RNF180: variants seen among roughly 807,000 people sequenced by gnomAD.
RNF180 encodes ring finger protein 180, also known as E3 ubiquitin-protein ligase RNF180.
Under a neutral mutation model 59.2 loss-of-function variants are expected in RNF180, and 38 were observed. The observed-to-expected ratio is 0.64, with a 90% CI of 0.50 to 0.84. RNF180 has a LOEUF of 0.84. Ranked by LOEUF, RNF180 falls within the 40% of genes least tolerant of loss-of-function variation. RNF180 has a pLI of 0.00. For missense variants in RNF180, 705 were observed against 700.9 expected, an observed-to-expected ratio of 1.01 and a Z score of -0.07; for synonymous variants, 262 against 240.3, an observed-to-expected ratio of 1.09 and a Z score of -0.84.
intron 5 of RNF180, among the ~76,000 whole-genome samples, chr5:64,280,369 T>C (rs1383647364): frequency 6.6e-6 from 1 of 152,200 alleles, no homozygotes; most frequent in Non-Finnish European, 1.5e-5. Flanking sequence ...TTTGTCTTTG[T>C]AATGAAATCT....
intron 7 of RNF180, among the ~76,000 whole-genome samples, chr5:64,365,926 G>A (rs573024988): frequency 1.1e-4 from 16 of 151,410 alleles, no homozygotes; most frequent in Non-Finnish European, 2.1e-4. Context: ...TCTTTATACA[G>A]CTTGCCAAGC....
intron 2 of RNF180, among the ~76,000 whole-genome samples, chr5:64,204,623 G>A (rs142467728): frequency 6.6e-6 from 1 of 151,908 alleles, no homozygotes; most frequent in East Asian, 1.9e-4. Context: ...CCCAGTTTAT[G>A]TAACTTATAT....
At chr5:64,217,330 T>C in intron 4 of RNF180, 31 bp from the exon 5 acceptor site, 1 of 1,379,788 alleles carries the variant, frequency 7.2e-7, no homozygotes, top group South Asian at 2.0e-5. Flanking sequence ...TGTGCTTATT[T>C]TTGTGTGAAC....
At chr5:64,314,337 CAGAT>C (rs1222865806) in intron 5 of RNF180, among the ~76,000 whole-genome samples, 1 of 151,944 alleles carries the variant, frequency 6.6e-6, no homozygotes, top group Non-Finnish European at 1.5e-5. Flanking sequence ...ATTTGGGTCT[CAGAT>C]AGATAGAATT....
chr5:64,264,296 G>A (rs1169236230), intron 5 of RNF180, among the ~76,000 whole-genome samples: 2 of 152,048 alleles, frequency 1.3e-5, no homozygotes, highest in Admixed American at 1.3e-4. Context: ...CATATGCCAT[G>A]GTGGTATTCT....
intron 7 of RNF180, among the ~76,000 whole-genome samples, chr5:64,364,518 T>G (rs1746374492): frequency 2.0e-5 from 3 of 151,868 alleles, no homozygotes; most frequent in Middle Eastern, 3.4e-3. Context: ...GTCAAGGACA[T>G]TGGCCTGAAG....
intron 5 of RNF180, among the ~76,000 whole-genome samples, chr5:64,296,838 C>T (rs918365760): frequency 6.6e-5 from 10 of 152,020 alleles, no homozygotes; most frequent in Non-Finnish European, 8.8e-5. Flanking sequence ...TCAGGAGGTA[C>T]CATTTTCTCT....
chr5:64,208,307 CAGAA>C (rs1752125483), intron 2 of RNF180, among the ~76,000 whole-genome samples: 1 of 151,970 alleles, frequency 6.6e-6, no homozygotes, highest in Non-Finnish European at 1.5e-5. Context: ...AGATTTGAGA[CAGAA>C]AGAAAATCTG....
chr5:64,182,889 A>G (rs1357413664), intron 1 of RNF180, among the ~76,000 whole-genome samples: 1 of 152,182 alleles, frequency 6.6e-6, no homozygotes, highest in Non-Finnish European at 1.5e-5. Context: ...AGAATGGCTA[A>G]AGGAGAGTAC....
rs1335551911 is a variant in RNF180 at position 64,344,493 on chromosome 5, G to GAGATTTC, written c.1579+14089_1579+14095dup. Among the ~76,000 whole-genome samples, 4 of 151,366 alleles carry GAGATTTC rather than the reference G, an allele frequency of 2.6e-5. No homozygotes were observed. The East Asian group carries it at 7.7e-4, about 29-fold the overall frequency. ...AGAAATAAATCTACTATCACACTTG[G>GAGATTTC]AGATTTCAACACATCTATCTCAGGA... On this transcript the variant is annotated intron_variant, in intron 7 of 7. Transcript: ENST00000389100.
At chr5:64,215,981 G>A (rs1201995042) in intron 4 of RNF180, among the ~76,000 whole-genome samples, 1 of 150,866 alleles carries the variant, frequency 6.6e-6, no homozygotes, top group Non-Finnish European at 1.5e-5. Context: ...CAAGTACAAA[G>A]TTAATGTGTT....
At chr5:64,311,891 C>A (rs1411170454) in intron 5 of RNF180, among the ~76,000 whole-genome samples, 1 of 151,860 alleles carries the variant, frequency 6.6e-6, no homozygotes, top group African/African-American at 2.4e-5. Context: ...GTAAACAAAC[C>A]CTCTTCAGGC....
rs147670642 is a variant in RNF180 at position 64,336,453 on chromosome 5, A to G, written c.1579+6047A>G. ...ATAAAAACACTCTAATGAATATCCTACTGTGGGCTGTGAATATCTATTTGG... is the reference window on the plus strand; with the variant it reads ...ATAAAAACACTCTAATGAATATCCTGCTGTGGGCTGTGAATATCTATTTGG... On this transcript the variant is annotated intron_variant, in intron 7 of 7. Coordinates refer to ENST00000389100, the MANE Select transcript of RNF180 (RefSeq NM_001113561.2). Among the ~76,000 whole-genome samples the G allele has an allele frequency of 4.7e-3, 710 of 152,286 alleles. 5 individuals are homozygous for G. Among genetic ancestry groups the G allele is most frequent in the South Asian group, 7.3e-3 (35 of 4,820 alleles).
chr5:64,329,650 G>A (rs1445501292), intron 6 of RNF180, among the ~76,000 whole-genome samples: 1 of 151,928 alleles, frequency 6.6e-6, no homozygotes, highest in Non-Finnish European at 1.5e-5. Context: ...TAGAGATGGG[G>A]TTCCACCATG....
intron 1 of RNF180, among the ~76,000 whole-genome samples, chr5:64,175,766 C>A (rs1325659746): frequency 3.3e-5 from 5 of 151,902 alleles, no homozygotes; most frequent in Non-Finnish European, 7.4e-5. Flanking sequence ...TATTTGCATC[C>A]TCTTCAATTT....
At position 64,214,411 on chromosome 5, in the gene RNF180, A is replaced by T; in HGVS notation, c.1085A>T (p.Asn362Ile). ...CCTCTGGACTTCCTGCACTCAGCCAATTTTTCATTGGGCAGCATTAATCAG... is the reference window on the plus strand; with the variant it reads ...CCTCTGGACTTCCTGCACTCAGCCATTTTTTCATTGGGCAGCATTAATCAG... Reference protein sequence around the residue: ...LSPLDFLHSANFSLGSINQRL... With the variant: ...LSPLDFLHSAIFSLGSINQRL... Residue 362 changes from asparagine to isoleucine, a missense_variant, in exon 4 of 8, where the codon AAT (asparagine) becomes ATT (isoleucine). By Grantham distance (149) the Asn-to-Ile change is moderately radical. Coordinates refer to ENST00000389100, the MANE Select transcript of RNF180 (RefSeq NM_001113561.2). 1 of 1,614,056 alleles carries T rather than the reference A, an allele frequency of 6.2e-7. No individual in the cohort carries two copies. Among genetic ancestry groups the T allele is most frequent in the Non-Finnish European group, 8.5e-7 (1 of 1,180,012 alleles).
At chr5:64,366,537 G>A (rs1746455434) in intron 7 of RNF180, among the ~76,000 whole-genome samples, 1 of 151,454 alleles carries the variant, frequency 6.6e-6, no homozygotes, top group East Asian at 1.9e-4. Flanking sequence ...CCTGTAATAT[G>A]TTTTCCAAGT....
At chr5:64,166,002 T>A (rs1749611250) in intron 1 of RNF180, 49 bp downstream of exon 1, 2 of 153,104 alleles carry the variant, frequency 1.3e-5, no homozygotes, top group South Asian at 4.0e-4. Flanking sequence ...GCGGCGCCTC[T>A]CGGAGGGACC....
At chr5:64,205,017 T>C (rs1475784746) in intron 2 of RNF180, among the ~76,000 whole-genome samples, 1 of 152,154 alleles carries the variant, frequency 6.6e-6, no homozygotes, top group Admixed American at 6.6e-5. Context: ...TTGCCTTCTT[T>C]AGCCCTGACC....
Sources: allele counts gnomAD v4.1 joint callset (sites outside exome capture counted in the v4.1 genomes callset), GRCh38; gene constraint gnomAD v4.1.1; transcripts MANE v1.5; gene names NCBI Gene and HGNC (gene_info 2026-07-23, HGNC 2026-07-21).